Variants in DCUN1D1 observed in about 807,000 individuals in gnomAD.
DCUN1D1 encodes defective in cullin neddylation 1 domain containing 1.
In DCUN1D1, 3 loss-of-function variants were observed where a neutral mutation model predicts 39.0. The ratio of observed to expected loss-of-function variants is 0.08; its 90% CI spans 0.04 to 0.20. DCUN1D1 has a LOEUF of 0.20. DCUN1D1 is among the 10% of genes least tolerant of loss of function. The probability of loss-of-function intolerance (pLI) is 1.00; values close to 1 mark genes in which losing one functional copy is unlikely to be tolerated. For missense variants in DCUN1D1, 158 were observed against 302.4 expected (o/e 0.52, Z 3.54); for synonymous variants, 82 against 96.3 (o/e 0.85, Z 0.87).
intron 4 of DCUN1D1, among the ~76,000 whole-genome samples, chr3:182,952,383 A>G (rs1726797809): frequency 6.6e-6 from 1 of 152,058 alleles, no homozygotes; most frequent in Non-Finnish European, 1.5e-5. Context: ...TCAAACCTAT[A>G]TCATTTTTCA....
intron 6 of DCUN1D1, 124 bp downstream of exon 6, chr3:182,947,114 A>C (rs779745908): frequency 1.7e-6 from 1 of 602,950 alleles, no homozygotes; most frequent in South Asian, 2.3e-5. Context: ...AAAAAACAAA[A>C]ACAAAACAAA....
chr3:182,980,100 G>T (rs929038861), intron 1 of DCUN1D1: 35 of 944,080 alleles, frequency 3.7e-5, no homozygotes, highest in Non-Finnish European at 4.3e-5. Context: ...CCCAGTCCCC[G>T]ACCAGACACA....
intron 4 of DCUN1D1, among the ~76,000 whole-genome samples, chr3:182,955,187 TG>T (rs1186876738): frequency 2.2e-4 from 33 of 151,954 alleles, no homozygotes; most frequent in Admixed American, 6.6e-5. Context: ...ATTACAGGCA[TG>T]CGCCACCACA....
At chr3:182,951,926 C>T (rs1279865898) in intron 4 of DCUN1D1, among the ~76,000 whole-genome samples, 1 of 152,032 alleles carries the variant, frequency 6.6e-6, no homozygotes, top group Non-Finnish European at 1.5e-5. Context: ...GAACTTCTGA[C>T]CTCAGGTGAT....
intron 1 of DCUN1D1, among the ~76,000 whole-genome samples, chr3:182,974,945 A>T (rs778144947): frequency 6.6e-6 from 1 of 152,096 alleles, no homozygotes; most frequent in East Asian, 1.9e-4. Context: ...TATATAAATT[A>T]GTCAAGAGCT....
At position 182,940,810 on chromosome 3, in the gene DCUN1D1, TAAGTA is replaced by T. The variant is rs1726101957; in HGVS notation, c.*4279_*4283del. On this transcript the variant is annotated 3_prime_UTR_variant, in exon 7 of 7. Transcript: ENST00000292782. ...AAAGAAAACAATCATGAAGCACTTGTAAGTAAATAGAAAATTGGGCTATACTTAAA... is the reference window on the plus strand; with the variant it reads ...AAAGAAAACAATCATGAAGCACTTGTAATAGAAAATTGGGCTATACTTAAA... The T allele has an allele frequency of 1.3e-5, 2 of 152,196 alleles. No individual in the cohort carries two copies. The highest frequency in any genetic ancestry group is 4.8e-5 in the African/African-American group (2 of 41,458). 9.4% of individuals were successfully genotyped at this position (152,196 alleles called of 1,614,324 possible).
At chr3:182,954,159 A>G (rs572657758) in intron 4 of DCUN1D1, among the ~76,000 whole-genome samples, 1 of 152,360 alleles carries the variant, frequency 6.6e-6, no homozygotes, top group East Asian at 1.9e-4. Flanking sequence ...GTTCAAAACC[A>G]GTGCACATTT....
chr3:182,979,600 T>TTC (rs58326496), intron 1 of DCUN1D1, among the ~76,000 whole-genome samples: 236 of 137,100 alleles, frequency 1.7e-3, no homozygotes, highest in African/African-American at 4.2e-3. Flanking sequence ...GAGGACTTTT[T>TTC]CCCCCCCCCA....
Position 182,943,307 on chromosome 3 carries a change from C to CA in DCUN1D1, c.*1786dup, listed in dbSNP as rs1372302376. 2.0e-5 allele frequency: 3 copies of CA among 150,608 alleles called. No homozygotes were observed. Among genetic ancestry groups the CA allele is most frequent in the Non-Finnish European group, 4.4e-5 (3 of 67,466 alleles). 9.3% of individuals were successfully genotyped at this position (150,608 alleles called of 1,614,324 possible). Reference sequence around the variant, plus strand: ...TAATTGAAGTTCCTCTTTATATTTACAAAAAAATCAGGAAATACTGAAAGC... The same window carrying CA: ...TAATTGAAGTTCCTCTTTATATTTACAAAAAAAATCAGGAAATACTGAAAGC... On this transcript the variant is annotated 3_prime_UTR_variant, in exon 7 of 7. Coordinates refer to ENST00000292782, the MANE Select transcript of DCUN1D1 (RefSeq NM_020640.4).
chr3:182,969,021 C>T (rs1399586731), intron 1 of DCUN1D1, among the ~76,000 whole-genome samples: 2 of 152,194 alleles, frequency 1.3e-5, no homozygotes, highest in Non-Finnish European at 1.5e-5. Context: ...TGAGTTCTAC[C>T]AGGCCAAGAA....
intron 1 of DCUN1D1, among the ~76,000 whole-genome samples, chr3:182,966,969 T>C (rs558317083): frequency 6.6e-6 from 1 of 152,030 alleles, no homozygotes; most frequent in Non-Finnish European, 1.5e-5. Context: ...TAGCCAGGCA[T>C]GGTGGCAGGT....
In DCUN1D1 at chr3:182,973,612, C is replaced by G. The variant is rs926021306; in HGVS notation, c.3+6875G>C. On this transcript the variant is annotated intron_variant, in intron 1 of 6. Coordinates refer to ENST00000292782, the MANE Select transcript of DCUN1D1 (RefSeq NM_020640.4). ...TCATGAGGTCAAGAGATTGAGACCACCCTGGCCAACATGGTGAAACCCCGT... is the reference window on the plus strand; with the variant it reads ...TCATGAGGTCAAGAGATTGAGACCAGCCTGGCCAACATGGTGAAACCCCGT... Among the ~76,000 whole-genome samples the G allele has an allele frequency of 1.5e-4, 23 of 152,070 alleles. No homozygotes were observed. The Middle Eastern group carries it at 0.017, about 112-fold the overall frequency.
intron 4 of DCUN1D1, among the ~76,000 whole-genome samples, chr3:182,957,831 G>C (rs367642801): frequency 6.7e-6 from 1 of 148,518 alleles, no homozygotes; most frequent in Non-Finnish European, 1.5e-5. Flanking sequence ...CCAGCTACTC[G>C]GGAGGCGGAG....
intron 1 of DCUN1D1, chr3:182,980,215 G>A (rs1289265410): frequency 6.1e-5 from 21 of 342,178 alleles, no homozygotes; most frequent in Non-Finnish European, 7.8e-5. Context: ...CACCGGGGCC[G>A]CTCCCCGCGC....
intron 1 of DCUN1D1, among the ~76,000 whole-genome samples, chr3:182,978,040 CA>C (rs71185618): frequency 1.0e-4 from 14 of 136,652 alleles, no homozygotes; most frequent in Admixed American, 2.2e-4. Context: ...AACTCCATCT[CA>C]AAAAAAAAAA....
At chr3:182,976,823 A>G (rs912042886) in intron 1 of DCUN1D1, among the ~76,000 whole-genome samples, 2 of 152,244 alleles carry the variant, frequency 1.3e-5, no homozygotes, top group Non-Finnish European at 2.9e-5. Context: ...TCTAGCACAC[A>G]GCAGACGTAT....
At chr3:182,951,987 C>T (rs576969536) in intron 4 of DCUN1D1, among the ~76,000 whole-genome samples, 2 of 152,132 alleles carry the variant, frequency 1.3e-5, no homozygotes, top group Admixed American at 6.5e-5. Context: ...TGAGCCACCA[C>T]GCACGTCCAA....
At chr3:182,966,713 C>CCTT (rs1196094659) in intron 1 of DCUN1D1, among the ~76,000 whole-genome samples, 2 of 152,226 alleles carry the variant, frequency 1.3e-5, no homozygotes, top group Non-Finnish European at 2.9e-5. Context: ...CTTCCTCCTC[C>CCTT]CAAGCTCCAA....
chr3:182,966,269 C>T (rs944668776), intron 1 of DCUN1D1, among the ~76,000 whole-genome samples: 3 of 152,170 alleles, frequency 2.0e-5, no homozygotes, highest in African/African-American at 7.2e-5. Context: ...GGGATCCTCC[C>T]TCCCCAACAC....
Sources: gnomAD v4.1 joint callset for allele counts (sites outside exome capture counted in the v4.1 genomes callset) on GRCh38, gnomAD v4.1.1 for gene constraint, MANE v1.5 for transcripts, NCBI Gene and HGNC (gene_info 2026-07-23, HGNC 2026-07-21) for gene names.